Variants in STIMATE observed in about 807,000 individuals in gnomAD.
STIMATE encodes the protein store-operated calcium entry regulator STIMATE.
Under a neutral mutation model 36.7 loss-of-function variants are expected in STIMATE, and 15 were observed. That is an observed-to-expected ratio of 0.41 (90% CI 0.27 to 0.63). The LOEUF is 0.63. Among genes scored for constraint, STIMATE ranks in the 20% least tolerant of loss-of-function variants. The pLI is 0.32. For missense variants in STIMATE, 305 were observed against 397.3 expected (o/e 0.77, Z 1.98); for synonymous variants, 163 against 162.3 (o/e 1.00, Z -0.03).
chr3:52,881,962 G>A (rs1366109770), intron 1 of STIMATE, among the ~76,000 whole-genome samples: 1 of 152,204 alleles, frequency 6.6e-6, no homozygotes, highest in Non-Finnish European at 1.5e-5. Context: ...TGTTAGTTTT[G>A]TACCACTGTG....
intron 4 of STIMATE, 24 bp from the exon 5 acceptor site, chr3:52,844,965 G>C: frequency 1.2e-6 from 2 of 1,610,782 alleles, no homozygotes; most frequent in Non-Finnish European, 1.7e-6. Context: ...CGGGTGCTTA[G>C]TCACATGGGG....
At chr3:52,845,024 A>T in intron 4 of STIMATE, 83 bp from the exon 5 acceptor site, 1 of 1,401,268 alleles carries the variant, frequency 7.1e-7, no homozygotes, top group Non-Finnish European at 9.8e-7. Flanking sequence ...CCCCACACGC[A>T]CCCCAGAACA....
At chr3:52,893,898 G>A (rs1701823474) in intron 1 of STIMATE, among the ~76,000 whole-genome samples, 1 of 152,176 alleles carries the variant, frequency 6.6e-6, no homozygotes, top group Non-Finnish European at 1.5e-5. Flanking sequence ...CACATGTCCT[G>A]AGAGCAAACA....
intron 1 of STIMATE, among the ~76,000 whole-genome samples, chr3:52,896,637 G>C (rs1575355622): frequency 6.6e-6 from 1 of 152,184 alleles, no homozygotes; most frequent in African/African-American, 2.4e-5. Flanking sequence ...GCTTGGGACA[G>C]AGATGGAACA....
Position 52,847,452 on chromosome 3 carries a change from A to G in STIMATE, c.427+2340T>C, listed in dbSNP as rs1184448374. The G allele has an allele frequency of 5.4e-6, 7 of 1,288,288 alleles. No individual in the cohort carries two copies. The Admixed American group carries it at 1.2e-4, about 21-fold the overall frequency. 79.8% of individuals were successfully genotyped at this position (1,288,288 alleles called of 1,614,324 possible). A position where few individuals can be genotyped will look rare whatever the true frequency, so the allele number is the denominator to read the frequency against. On this transcript the variant is annotated intron_variant, in intron 4 of 7. Transcript: ENST00000355083. ...AAGAGTGGCCTGGTAATCAGAGTGC[A>G]GACACCATGCGTCACCTGGATCTGG...
At chr3:52,896,303 T>G (rs1345871985) in intron 1 of STIMATE, among the ~76,000 whole-genome samples, 1 of 152,214 alleles carries the variant, frequency 6.6e-6, no homozygotes, top group African/African-American at 2.4e-5. Context: ...GGGGAAGTTT[T>G]GAGAACAAGT....
intron 1 of STIMATE, among the ~76,000 whole-genome samples, chr3:52,874,813 G>C (rs1291210293): frequency 6.6e-6 from 1 of 152,190 alleles, no homozygotes; most frequent in Non-Finnish European, 1.5e-5. Flanking sequence ...CTGCACTCCA[G>C]CCTGGGCGAC....
chr3:52,839,321 AG>A lies in STIMATE; in HGVS notation c.*1172del, dbSNP rs1212422581. 1 of 152,316 alleles carries A rather than the reference AG, an allele frequency of 6.6e-6. No individual in the cohort carries two copies. The highest frequency in any genetic ancestry group is 1.9e-4 in the East Asian group (1 of 5,196). The allele number at this position is 152,316 out of a possible 1,614,324, so 9.4% of individuals were successfully genotyped here. A position where few individuals can be genotyped will look rare whatever the true frequency, so the allele number is the denominator to read the frequency against. On this transcript the variant is annotated 3_prime_UTR_variant, in exon 8 of 8. Transcript: ENST00000355083. ...CTAGGATGACAGGTACCAGGGCAGCAGGAGAGGAGGCTCCTGGCGCTGAGTC... is the reference window on the plus strand; with the variant it reads ...CTAGGATGACAGGTACCAGGGCAGCAGAGAGGAGGCTCCTGGCGCTGAGTC...
intron 1 of STIMATE, among the ~76,000 whole-genome samples, chr3:52,865,841 C>A (rs1311879754): frequency 1.3e-5 from 2 of 152,194 alleles, no homozygotes; most frequent in African/African-American, 4.8e-5. Flanking sequence ...CCTTACATAT[C>A]CTTTCAAAGA....
At chr3:52,865,286 T>G (rs1701286111) in intron 1 of STIMATE, among the ~76,000 whole-genome samples, 1 of 152,142 alleles carries the variant, frequency 6.6e-6, no homozygotes, top group African/African-American at 2.4e-5. Flanking sequence ...CTTTCCCACA[T>G]TTTCCTTTCT....
At chr3:52,892,325 T>C (rs1279320766) in intron 1 of STIMATE, among the ~76,000 whole-genome samples, 3 of 152,188 alleles carry the variant, frequency 2.0e-5, no homozygotes, top group Non-Finnish European at 4.4e-5. Flanking sequence ...TGAAGTTACA[T>C]GATAAATCAA....
intron 1 of STIMATE, among the ~76,000 whole-genome samples, chr3:52,885,800 C>G (rs570248031): frequency 5.9e-5 from 9 of 152,340 alleles, no homozygotes; most frequent in Middle Eastern, 3.4e-3. Flanking sequence ...GCTCTGAGAT[C>G]TGGAAAGTGC....
chr3:52,843,412 G>A (rs7647534), intron 6 of STIMATE, among the ~76,000 whole-genome samples: 135,363 of 152,044 alleles, frequency 0.89, 62,147 homozygotes, highest in Non-Finnish European at 1. Flanking sequence ...CGATGGGTAC[G>A]TTTGGAACAA....
intron 1 of STIMATE, among the ~76,000 whole-genome samples, chr3:52,861,902 TCTC>T (rs1272488093): frequency 6.6e-6 from 1 of 152,134 alleles, no homozygotes; most frequent in African/African-American, 2.4e-5. Flanking sequence ...CTCTGAATGT[TCTC>T]CTCTATCTCC....
rs530754313 is a variant in STIMATE at position 52,849,981 on chromosome 3, G to T, written c.306-68C>A. 3.9e-6 allele frequency: 6 copies of T among 1,549,696 alleles called. No individual in the cohort carries two copies. In the South Asian group the frequency reaches 7.2e-5, roughly 19 times the overall value. ...GGGCCAGAGGTCATGGCTGATGCAGGGTGGCCTGAGGGAAGCGGATGGACC... is the reference window on the plus strand; with the variant it reads ...GGGCCAGAGGTCATGGCTGATGCAGTGTGGCCTGAGGGAAGCGGATGGACC... On this transcript the variant is annotated intron_variant, in intron 3 of 7. Coordinates refer to ENST00000355083, the MANE Select transcript of STIMATE (RefSeq NM_198563.5).
intron 1 of STIMATE, among the ~76,000 whole-genome samples, chr3:52,862,683 G>T (rs140152820): frequency 6.6e-6 from 1 of 152,126 alleles, no homozygotes; most frequent in East Asian, 1.9e-4. Flanking sequence ...AATCTAGTTG[G>T]CAATGATAAT....
chr3:52,842,650 G>T (rs1016218883), intron 7 of STIMATE, among the ~76,000 whole-genome samples, 161 bp downstream of exon 7: 1 of 152,218 alleles, frequency 6.6e-6, no homozygotes, highest in Non-Finnish European at 1.5e-5. Flanking sequence ...GGACAGAGCT[G>T]TCTGCCCCTC....
chr3:52,858,456 T>C (rs368699378), intron 1 of STIMATE, among the ~76,000 whole-genome samples: 1 of 151,704 alleles, frequency 6.6e-6, no homozygotes, highest in African/African-American at 2.4e-5. Context: ...GACTCCATCC[T>C]TACAAAAAAC....
chr3:52,895,759 C>A, intron 1 of STIMATE: 1 of 570,066 alleles, frequency 1.8e-6, no homozygotes, highest in Non-Finnish European at 2.7e-6. Flanking sequence ...ACAGCCAGAG[C>A]TAGGCTAAGA....
Sources: allele counts gnomAD v4.1 joint callset (sites outside exome capture counted in the v4.1 genomes callset), GRCh38; gene constraint gnomAD v4.1.1; transcripts MANE v1.5; gene names NCBI Gene and HGNC (gene_info 2026-07-23, HGNC 2026-07-21).